The following VASH2 variants were observed in gnomAD, a reference collection of about 807,000 sequenced individuals.
VASH2 encodes the protein tubulinyl-Tyr carboxypeptidase 2.
A neutral mutation model predicts 37.2 loss-of-function variants in VASH2; 28 were observed. The observed-to-expected ratio is 0.75, with a 90% CI of 0.56 to 1.03. The LOEUF (loss-of-function observed/expected upper bound fraction) is 1.03. Ranked by LOEUF, VASH2 falls within the 50% of genes least tolerant of loss-of-function variation. The pLI, the probability that VASH2 is intolerant of heterozygous loss-of-function variation, is 0.00. For missense variants in VASH2, 419 were observed against 459.1 expected, an observed-to-expected ratio of 0.91 and a Z score of 0.80; for synonymous variants, 188 against 174.7, an observed-to-expected ratio of 1.08 and a Z score of -0.60.
intron 2 of VASH2, among the ~76,000 whole-genome samples, chr1:212,960,951 C>G (rs1163680547): frequency 6.6e-6 from 1 of 152,198 alleles, no homozygotes; most frequent in African/African-American, 2.4e-5. Flanking sequence ...AGAGGGAACT[C>G]AGAGAGGCAG....
chr1:212,955,505 G>T (rs914396887), intron 2 of VASH2, among the ~76,000 whole-genome samples: 1 of 152,168 alleles, frequency 6.6e-6, no homozygotes, highest in South Asian at 2.1e-4. Context: ...AATAGCAGAT[G>T]GGAAGCGAGG....
chr1:212,964,681 A>G (rs889999014), intron 3 of VASH2, among the ~76,000 whole-genome samples: 1 of 152,140 alleles, frequency 6.6e-6, no homozygotes, highest in Non-Finnish European at 1.5e-5. Flanking sequence ...ATAGGCATGA[A>G]AAAAAGTGAC....
chr1:212,962,625 C>A (rs868306216), intron 3 of VASH2, among the ~76,000 whole-genome samples: 14 of 152,220 alleles, frequency 9.2e-5, no homozygotes, highest in African/African-American at 2.9e-4. Flanking sequence ...TCGGAAAACA[C>A]CAATTTCTGC....
At chr1:212,967,767 GAGATAGA>G (rs1666892431) in intron 5 of VASH2, 2 of 154,720 alleles carry the variant, frequency 1.3e-5, no homozygotes, top group Admixed American at 6.3e-5. Context: ...AGCTATCAAG[GAGATAGA>G]ATGTATAGGA....
intron 7 of VASH2, among the ~76,000 whole-genome samples, chr1:212,981,100 G>C (rs1326032957): frequency 6.6e-6 from 1 of 152,208 alleles, no homozygotes; most frequent in East Asian, 1.9e-4. Flanking sequence ...AGGGGTTCTT[G>C]TCCCGGAAAG....
chr1:212,961,210 C>T lies in VASH2; in HGVS notation c.321C>T (p.Ile107=). ...CAAACTACAGGCTGTCGATGACGAT[C>T]CCAGACTGGCTCCAGGCGATCCAGA... is the stretch of plus-strand genomic sequence containing the variant. ...QVPNYRLSMT[I]PDWLQAIQNY... The change falls in exon 3 of 8, where the codon ATC becomes ATT. Residue 107 remains isoleucine, a synonymous_variant. Transcript: ENST00000517399. 6.2e-7 allele frequency: 1 copy of T among 1,614,192 alleles called. No homozygotes were observed. The highest frequency in any genetic ancestry group is 8.5e-7 in the Non-Finnish European group (1 of 1,180,032).
chr1:212,988,452 C>T (rs2075819367), intron 7 of VASH2, 60 bp from the exon 8 acceptor site: 1 of 1,554,424 alleles, frequency 6.4e-7, no homozygotes, highest in Non-Finnish European at 8.9e-7. Context: ...CTTGAAAATG[C>T]TGTTGTCTTT....
At chr1:212,969,332 A>G (rs1666940067) in intron 5 of VASH2, 1 of 360,074 alleles carries the variant, frequency 2.8e-6, no homozygotes, top group Admixed American at 6.5e-5. Flanking sequence ...AGCTGGGACA[A>G]CAACAGGCGC....
chr1:212,986,962 C>A (rs1667495352), intron 7 of VASH2, among the ~76,000 whole-genome samples: 1 of 152,150 alleles, frequency 6.6e-6, no homozygotes, highest in Non-Finnish European at 1.5e-5. Flanking sequence ...GGGATAGTTT[C>A]TTGACCACCT....
chr1:212,974,243 C>T (rs571412521), intron 7 of VASH2, among the ~76,000 whole-genome samples, 173 bp downstream of exon 7: 9 of 152,188 alleles, frequency 5.9e-5, no homozygotes, highest in African/African-American at 2.2e-4. Flanking sequence ...CCACTGGGCA[C>T]ATCACCCCAT....
chr1:212,959,028 C>T (rs901396109), intron 2 of VASH2, among the ~76,000 whole-genome samples: 12 of 152,156 alleles, frequency 7.9e-5, no homozygotes, highest in Non-Finnish European at 1.6e-4. Flanking sequence ...TGCGCCCGAC[C>T]TGCGTATGTC....
intron 7 of VASH2, 126 bp from the exon 8 acceptor site, chr1:212,988,386 G>T: frequency 1.1e-6 from 1 of 913,172 alleles, no homozygotes; most frequent in Non-Finnish European, 1.7e-6. Context: ...TGGCAGGGTG[G>T]GGGAATGGGA....
At chr1:212,969,733 T>C (rs1300926449) in intron 5 of VASH2, among the ~76,000 whole-genome samples, 1 of 152,196 alleles carries the variant, frequency 6.6e-6, no homozygotes, top group Non-Finnish European at 1.5e-5. Flanking sequence ...CCCTGGGTCC[T>C]GCTTTCCACT....
At chr1:212,970,456 C>G (rs2102641672) in intron 5 of VASH2, among the ~76,000 whole-genome samples, 1 of 152,314 alleles carries the variant, frequency 6.6e-6, no homozygotes, top group South Asian at 2.1e-4. Context: ...CCAGAGGTTG[C>G]TAGGCTTGCC....
rs144033667 is a variant in VASH2, at chr1:212,989,139, G to C, written c.*555G>C. 1 of 155,536 alleles carries C rather than the reference G, an allele frequency of 6.4e-6. No homozygotes were observed. Among genetic ancestry groups the C allele is most frequent in the African/African-American group, 2.4e-5 (1 of 41,558 alleles). The allele number at this position is 155,536 out of a possible 1,614,324, so 9.6% of individuals were successfully genotyped here. A position where few individuals can be genotyped will look rare whatever the true frequency, so the allele number is the denominator to read the frequency against. ...TCCCATGGGGATCTCCACAAGTTTG[G>C]AGTTTTTTCCTGGTGCACACACGTG... On this transcript the variant is annotated 3_prime_UTR_variant, in exon 8 of 8. Coordinates refer to ENST00000517399, the MANE Select transcript of VASH2 (RefSeq NM_001301056.2).
intron 7 of VASH2, among the ~76,000 whole-genome samples, chr1:212,984,043 G>A (rs917379825): frequency 6.6e-5 from 10 of 152,146 alleles, no homozygotes; most frequent in Non-Finnish European, 1.5e-4. Context: ...TTAATCCACG[G>A]AAACCTCTTA....
At chr1:212,970,106 G>T (rs189545349) in intron 5 of VASH2, among the ~76,000 whole-genome samples, 1 of 152,294 alleles carries the variant, frequency 6.6e-6, no homozygotes, top group African/African-American at 2.4e-5. Flanking sequence ...AAAGAAACAG[G>T]TTCATTATGA....
rs755342214 is a variant in VASH2, at chr1:212,971,416, C to T, written c.498-1164C>T. Reference sequence around the variant, plus strand: ...CTGAGTCCATCTCCCACCAGACCTCCGGAGAAGGGCTGTGTTCTTATCTTT... The same window carrying T: ...CTGAGTCCATCTCCCACCAGACCTCTGGAGAAGGGCTGTGTTCTTATCTTT... On this transcript the variant is annotated intron_variant, in intron 5 of 7. Coordinates refer to ENST00000517399, the MANE Select transcript of VASH2 (RefSeq NM_001301056.2). This position sits in a 1 kb window ranked among gnomAD's most constrained non-coding sequence, Gnocchi z 4.0. Among the ~76,000 whole-genome samples, 17 of 152,314 alleles carry T rather than the reference C, an allele frequency of 1.1e-4. No individual in the cohort carries two copies. Among genetic ancestry groups the T allele is most frequent in the Middle Eastern group, 3.4e-3 (1 of 294 alleles).
intron 7 of VASH2, among the ~76,000 whole-genome samples, chr1:212,976,519 C>T (rs1667175817): frequency 6.6e-6 from 1 of 151,886 alleles, no homozygotes; most frequent in African/African-American, 2.4e-5. Context: ...GCGTTTCAAG[C>T]CCGGATAGCA....
Sources: allele counts gnomAD v4.1 joint callset (sites outside exome capture counted in the v4.1 genomes callset), GRCh38; gene constraint gnomAD v4.1.1; non-coding constraint Gnocchi (gnomAD v3.1); transcripts MANE v1.5; gene names NCBI Gene and HGNC (gene_info 2026-07-23, HGNC 2026-07-21).